The following LZTS1 variants were observed in gnomAD, a reference collection of about 807,000 sequenced individuals.
LZTS1 encodes leucine zipper putative tumor suppressor 1.
Under a neutral mutation model 45.8 loss-of-function variants are expected in LZTS1, and 31 were observed. That is an observed-to-expected ratio of 0.68 (90% CI 0.51 to 0.91). The LOEUF (loss-of-function observed/expected upper bound fraction) is 0.91, where lower values mean the gene tolerates loss of function less well. LZTS1 is among the 40% of genes least tolerant of loss of function. The pLI, the probability that LZTS1 is intolerant of heterozygous loss-of-function variation, is 0.00. For missense variants in LZTS1, 821 were observed against 788.9 expected (o/e 1.04, Z -0.49); for synonymous variants, 359 against 357.3 (o/e 1.00, Z -0.05).
intron 1 of LZTS1, among the ~76,000 whole-genome samples, chr8:20,298,284 A>T (rs925336725): frequency 6.6e-6 from 1 of 151,288 alleles, no homozygotes; most frequent in African/African-American, 2.4e-5. Flanking sequence ...CTGGTCTTGA[A>T]CTCCTGACCT....
rs572740439 is a variant in LZTS1 at position 20,254,366 on chromosome 8, C to T, written c.345+471G>A. On this transcript the variant is annotated intron_variant, in intron 2 of 3. Transcript: ENST00000381569. ...AAGATGCCCCCAGGCGCAGCTTGAA[C>T]AAGGAGCTAATGCACACCAGGGCAG... Among the ~76,000 whole-genome samples the T allele has an allele frequency of 5.9e-5, 9 of 152,328 alleles. No individual in the cohort carries two copies. In the South Asian group the frequency reaches 1.9e-3, roughly 32 times the overall value.
intron 3 of LZTS1, 94 bp downstream of exon 3, chr8:20,252,688 G>T: frequency 8.2e-7 from 1 of 1,214,658 alleles, no homozygotes; most frequent in Non-Finnish European, 1.1e-6. Context: ...TGCGCGGTCT[G>T]TGTTTGCACG....
intron 1 of LZTS1, among the ~76,000 whole-genome samples, chr8:20,279,347 G>C (rs1465269985): frequency 6.6e-6 from 1 of 152,192 alleles, no homozygotes. Flanking sequence ...AGGAAGGAGG[G>C]AGGGAAATCA....
At chr8:20,269,215 C>A (rs1800426200) in intron 1 of LZTS1, among the ~76,000 whole-genome samples, 1 of 152,186 alleles carries the variant, frequency 6.6e-6, no homozygotes, top group Admixed American at 6.5e-5. Flanking sequence ...TGGCTTGGAC[C>A]CCAGGGCCCA....
chr8:20,268,951 G>C (rs541124566), intron 1 of LZTS1, among the ~76,000 whole-genome samples: 5 of 152,212 alleles, frequency 3.3e-5, no homozygotes, highest in Non-Finnish European at 5.9e-5. Flanking sequence ...TGCCGGGCGG[G>C]CTTTTGTGCA....
chr8:20,263,763 G>A (rs1800294218), intron 1 of LZTS1, among the ~76,000 whole-genome samples: 1 of 152,150 alleles, frequency 6.6e-6, no homozygotes, highest in Non-Finnish European at 1.5e-5. Flanking sequence ...GGTGGTCAGA[G>A]GGGCAGGCCC....
chr8:20,285,035 A>G (rs1800764048), intron 1 of LZTS1, among the ~76,000 whole-genome samples: 3 of 152,214 alleles, frequency 2.0e-5, no homozygotes, highest in Admixed American at 2.0e-4. Context: ...AAAACGACAT[A>G]AAGAGCTCAC....
chr8:20,259,119 C>T (rs1455364292), intron 1 of LZTS1, among the ~76,000 whole-genome samples: 1 of 152,178 alleles, frequency 6.6e-6, no homozygotes, highest in African/African-American at 2.4e-5. Flanking sequence ...CCATGCAATA[C>T]ACATTGCCGA....
intron 1 of LZTS1, among the ~76,000 whole-genome samples, chr8:20,267,014 C>T (rs979267480): frequency 5.4e-5 from 8 of 149,274 alleles, no homozygotes; most frequent in African/African-American, 1.5e-4. Context: ...AGGCTGAGGC[C>T]GAGGAATCAC....
chr8:20,263,681 C>T (rs1409494480), intron 1 of LZTS1, among the ~76,000 whole-genome samples: 1 of 152,074 alleles, frequency 6.6e-6, no homozygotes, highest in Non-Finnish European at 1.5e-5. Context: ...AGCCTGCAGC[C>T]GCTCCAATCC....
chr8:20,253,345 G>A lies in LZTS1; in HGVS notation c.586C>T (p.Leu196=), dbSNP rs773938725. The change falls in exon 3 of 4, where the codon CTG becomes TTG. Residue 196 remains leucine (L), a synonymous_variant. Transcript: ENST00000381569. ...CTTGTGGGTCCCACGGGTGTGACCA[G>A]CGGGTCCAGCTGGTAGCTGCTGCTG... ...STSSSYQLDP[L]VTPVGPTSRF... is the part of the protein sequence containing the mutation. 1.9e-6 allele frequency: 3 copies of A among 1,613,616 alleles called. No individual in the cohort carries two copies. Among genetic ancestry groups the A allele is most frequent in the Non-Finnish European group, 2.5e-6 (3 of 1,179,904 alleles).
chr8:20,259,414 G>A (rs1185717023), intron 1 of LZTS1, among the ~76,000 whole-genome samples: 1 of 152,114 alleles, frequency 6.6e-6, no homozygotes, highest in Non-Finnish European at 1.5e-5. Context: ...TCTGTTTATG[G>A]TTCTCATCCA....
chr8:20,251,700 T>A (rs898971034), intron 3 of LZTS1, among the ~76,000 whole-genome samples: 1 of 152,104 alleles, frequency 6.6e-6, no homozygotes, highest in Non-Finnish European at 1.5e-5. Flanking sequence ...TTGACAGATG[T>A]GGATTGGGCT....
chr8:20,294,182 G>C (rs538323754), intron 1 of LZTS1, among the ~76,000 whole-genome samples: 2 of 152,318 alleles, frequency 1.3e-5, no homozygotes, highest in South Asian at 4.1e-4. Flanking sequence ...CCTAGAGTTG[G>C]AGGTCCTGTC....
At chr8:20,275,138 A>C (rs1467827458) in intron 1 of LZTS1, among the ~76,000 whole-genome samples, 7 of 152,300 alleles carry the variant, frequency 4.6e-5, no homozygotes, top group Middle Eastern at 3.4e-3. Flanking sequence ...GCCATGGCTC[A>C]AGCCTGTAAT....
chr8:20,278,982 A>C (rs192005379), intron 1 of LZTS1, among the ~76,000 whole-genome samples: 2 of 152,288 alleles, frequency 1.3e-5, no homozygotes, highest in Non-Finnish European at 2.9e-5. Flanking sequence ...GTCACCTGTC[A>C]GTGCTTTCTC....
Position 20,249,679 on chromosome 8 carries a change from C to T in LZTS1, c.*43G>A. On this transcript the variant is annotated 3_prime_UTR_variant, in exon 4 of 4. Coordinates refer to ENST00000381569, the MANE Select transcript of LZTS1 (RefSeq NM_021020.5). ...GGGGGGATGCACGGGAGAGCCCTGC[C>T]TCCCAGTGCCAGGTCCCCAGACTCG... The T allele has an allele frequency of 1.3e-6, 2 of 1,562,064 alleles. No homozygotes were observed. Among genetic ancestry groups the T allele is most frequent in the Non-Finnish European group, 8.6e-7 (1 of 1,158,250 alleles).
At chr8:20,251,098 A>AATATATATATATATATATAT (rs527759585) in intron 3 of LZTS1, among the ~76,000 whole-genome samples, 1 of 41,396 alleles carries the variant, frequency 2.4e-5, no homozygotes, top group Non-Finnish European at 5.7e-5. Flanking sequence ...CCTGAGGGCT[A>AATATATATATATATATATAT]ATATATATAT....
chr8:20,279,741 C>G (rs1200602054), intron 1 of LZTS1, among the ~76,000 whole-genome samples: 5 of 148,394 alleles, frequency 3.4e-5, no homozygotes, highest in Non-Finnish European at 7.4e-5. Flanking sequence ...AATACCAGCA[C>G]TTTGGGAGGC....
Sources: gnomAD v4.1 joint callset for allele counts (sites outside exome capture counted in the v4.1 genomes callset) on GRCh38, gnomAD v4.1.1 for gene constraint, MANE v1.5 for transcripts, NCBI Gene and HGNC (gene_info 2026-07-23, HGNC 2026-07-21) for gene names.